Variants in TRPM3 observed in about 807,000 individuals in gnomAD.
TRPM3 encodes transient receptor potential cation channel subfamily M member 3, also known as long transient receptor potential channel 3.
In TRPM3, 77 loss-of-function variants were observed where a neutral mutation model predicts 181.2. That is an observed-to-expected ratio of 0.42 (90% CI 0.35 to 0.51). The LOEUF is 0.51. Ranked by LOEUF, TRPM3 falls within the 20% of genes least tolerant of loss-of-function variation. TRPM3 has a pLI of 0.01. For missense variants in TRPM3, 1,759 were observed against 2,196.7 expected (o/e 0.80, Z 3.98); for synonymous variants, 745 against 796.4 (o/e 0.94, Z 1.09).
chr9:71,295,170 A>G (rs2086151644), intron 1 of TRPM3, among the ~76,000 whole-genome samples: 1 of 152,190 alleles, frequency 6.6e-6, no homozygotes, highest in African/African-American at 2.4e-5. Context: ...TATGAGCAAT[A>G]TAGGTCTCTC....
chr9:70,656,702 T>C (rs1034545942), intron 9 of TRPM3, among the ~76,000 whole-genome samples: 2 of 152,218 alleles, frequency 1.3e-5, no homozygotes, highest in African/African-American at 2.4e-5. Flanking sequence ...CTCATTGTAA[T>C]TTAGAATCTA....
At chr9:70,820,016 G>T (rs538337541) in intron 6 of TRPM3, among the ~76,000 whole-genome samples, 1 of 151,986 alleles carries the variant, frequency 6.6e-6, no homozygotes, top group South Asian at 2.1e-4. Flanking sequence ...ATATAGTCTC[G>T]GTCAATTCAT....
intron 1 of TRPM3, among the ~76,000 whole-genome samples, chr9:71,443,316 T>C (rs1292903294): frequency 1.3e-5 from 2 of 152,078 alleles, no homozygotes; most frequent in Admixed American, 6.6e-5. Flanking sequence ...AGAAGATGTT[T>C]CCTGAATTAC....
chr9:70,538,313 G>T (rs1334095903), intron 25 of TRPM3, among the ~76,000 whole-genome samples: 1 of 152,022 alleles, frequency 6.6e-6, no homozygotes, highest in Non-Finnish European at 1.5e-5. Flanking sequence ...CTTTTTTAGA[G>T]ATGGGGGGGG....
chr9:70,941,651 A>T (rs891307272), intron 1 of TRPM3, among the ~76,000 whole-genome samples: 11 of 152,212 alleles, frequency 7.2e-5, no homozygotes, highest in African/African-American at 2.4e-4. Context: ...TCCCATGGCC[A>T]GCAGATTTTG....
At chr9:70,978,233 C>T (rs2097326348) in intron 1 of TRPM3, among the ~76,000 whole-genome samples, 1 of 152,192 alleles carries the variant, frequency 6.6e-6, no homozygotes. Context: ...CTAGCCACTG[C>T]TAGCTGTAGC....
chr9:71,430,259 CA>C (rs952913759), intron 1 of TRPM3, among the ~76,000 whole-genome samples: 22 of 151,662 alleles, frequency 1.5e-4, no homozygotes, highest in South Asian at 4.2e-4. Context: ...CTTTTATAAA[CA>C]AAAAAAAGCT....
intron 1 of TRPM3, among the ~76,000 whole-genome samples, chr9:71,226,385 G>T (rs1199348990): frequency 6.6e-6 from 1 of 151,950 alleles, no homozygotes; most frequent in East Asian, 1.9e-4. Context: ...GAAAGACATA[G>T]AGTGGCTGAA....
At chr9:71,263,243 T>C (rs1182363828) in intron 1 of TRPM3, among the ~76,000 whole-genome samples, 1 of 152,222 alleles carries the variant, frequency 6.6e-6, no homozygotes, top group East Asian at 1.9e-4. Flanking sequence ...CCTCCAAGTT[T>C]GCTTACATTT....
At chr9:70,777,407 T>A (rs2081569015) in intron 7 of TRPM3, among the ~76,000 whole-genome samples, 1 of 152,128 alleles carries the variant, frequency 6.6e-6, no homozygotes, top group Non-Finnish European at 1.5e-5. Context: ...CTGGATAATT[T>A]TTTTTAAAGT....
At chr9:70,686,232 A>G (rs1338973609) in intron 8 of TRPM3, among the ~76,000 whole-genome samples, 1 of 152,118 alleles carries the variant, frequency 6.6e-6, no homozygotes, top group East Asian at 1.9e-4. Context: ...ATACATAGAT[A>G]TCATAATTTG....
chr9:71,256,493 AAG>A (rs1231707626), intron 1 of TRPM3, among the ~76,000 whole-genome samples: 1 of 152,144 alleles, frequency 6.6e-6, no homozygotes, highest in African/African-American at 2.4e-5. Flanking sequence ...TGAGAACTCC[AAG>A]AGAGAGTGCC....
intron 1 of TRPM3, among the ~76,000 whole-genome samples, chr9:70,911,312 G>C (rs978825921): frequency 1.3e-5 from 2 of 152,086 alleles, no homozygotes; most frequent in East Asian, 1.9e-4. Context: ...ATTACAAAAG[G>C]CCTGTTTTTT....
intron 7 of TRPM3, among the ~76,000 whole-genome samples, chr9:70,768,810 T>C (rs1225867474): frequency 6.6e-6 from 1 of 152,130 alleles, no homozygotes; most frequent in Admixed American, 6.6e-5. Flanking sequence ...TATTTACTAG[T>C]GAGGGACCTG....
intron 1 of TRPM3, among the ~76,000 whole-genome samples, chr9:70,870,004 G>A (rs1483996962): frequency 6.6e-6 from 1 of 151,980 alleles, no homozygotes; most frequent in Non-Finnish European, 1.5e-5. Context: ...GTGAGTATAT[G>A]AGCACTTCAT....
intron 1 of TRPM3, among the ~76,000 whole-genome samples, chr9:71,070,075 C>G (rs181726217): frequency 1.1e-4 from 17 of 152,264 alleles, no homozygotes; most frequent in Middle Eastern, 3.4e-3. Flanking sequence ...TTCTATTTCA[C>G]TAGAACAGTT....
chr9:71,293,561 C>T (rs529722090), intron 1 of TRPM3, among the ~76,000 whole-genome samples: 10 of 151,398 alleles, frequency 6.6e-5, no homozygotes, highest in East Asian at 5.8e-4. Context: ...TATTGAAAGA[C>T]TCTAAGAGAG....
intron 11 of TRPM3, among the ~76,000 whole-genome samples, chr9:70,636,432 T>A (rs2057208358): frequency 1.3e-5 from 2 of 152,182 alleles, no homozygotes; most frequent in Admixed American, 1.3e-4. Flanking sequence ...GACGGATGTT[T>A]GTTTGAGGTA....
chr9:71,130,145 A>T (rs1037272885), intron 1 of TRPM3, among the ~76,000 whole-genome samples: 1 of 152,228 alleles, frequency 6.6e-6, no homozygotes, highest in Admixed American at 6.5e-5. Flanking sequence ...GCACAGAAAG[A>T]TTAAATACTC....
Sources: allele counts gnomAD v4.1 joint callset (sites outside exome capture counted in the v4.1 genomes callset), GRCh38; gene constraint gnomAD v4.1.1; transcripts MANE v1.5; gene names NCBI Gene and HGNC (gene_info 2026-07-23, HGNC 2026-07-21).